ZBTB46: variants seen among roughly 807,000 people sequenced by gnomAD.
ZBTB46 encodes the protein zinc finger and BTB domain containing 46.
Under a neutral mutation model 44.1 loss-of-function variants are expected in ZBTB46, and 8 were observed. The ratio of observed to expected loss-of-function variants is 0.18; its 90% CI spans 0.11 to 0.33. The LOEUF (loss-of-function observed/expected upper bound fraction) is 0.33, where lower values mean the gene tolerates loss of function less well. Ranked by LOEUF, ZBTB46 falls within the 10% of genes least tolerant of loss-of-function variation. The pLI is 1.00. For synonymous variants in ZBTB46, 409 were observed against 382.3 expected (o/e 1.07, Z -0.81); for missense variants, 651 against 847.7 (o/e 0.77, Z 2.88).
intron 3 of ZBTB46, among the ~76,000 whole-genome samples, chr20:63,759,359 C>A (rs2092253765): frequency 6.6e-6 from 1 of 152,100 alleles, no homozygotes; most frequent in African/African-American, 2.4e-5. Context: ...ACAAATGATG[C>A]TTTTACTTAT....
chr20:63,765,104 GTTGT>G (rs2092309470), intron 3 of ZBTB46, among the ~76,000 whole-genome samples: 1 of 150,536 alleles, frequency 6.6e-6, no homozygotes, highest in Non-Finnish European at 1.5e-5. Context: ...TGTATGTGTG[GTTGT>G]GTGTGTGTGT....
At chr20:63,749,086 C>T (rs943305580) in intron 4 of ZBTB46, among the ~76,000 whole-genome samples, 6 of 152,256 alleles carry the variant, frequency 3.9e-5, no homozygotes, top group Non-Finnish European at 7.3e-5. Context: ...GTAACTTCTT[C>T]CACAAAGCCG....
intron 1 of ZBTB46, 97 bp from the exon 2 acceptor site, chr20:63,790,887 G>A (rs1426528804): frequency 1.0e-5 from 15 of 1,433,550 alleles, no homozygotes; most frequent in Non-Finnish European, 1.3e-5. Flanking sequence ...GGCACAGAGT[G>A]CGGCCAGTGG....
intron 1 of ZBTB46, among the ~76,000 whole-genome samples, chr20:63,796,894 G>A (rs985920412): frequency 4.0e-5 from 6 of 151,876 alleles, no homozygotes; most frequent in African/African-American, 1.2e-4. Context: ...AACAGGCCAG[G>A]CACGGTGGCT....
intron 1 of ZBTB46, among the ~76,000 whole-genome samples, chr20:63,809,165 G>C (rs946748204): frequency 4.6e-5 from 7 of 152,144 alleles, no homozygotes; most frequent in African/African-American, 1.7e-4. Flanking sequence ...CTTCGCCATG[G>C]GCTTGGCCGA....
chr20:63,757,138 G>A (rs1366435769), intron 3 of ZBTB46, among the ~76,000 whole-genome samples: 1 of 152,124 alleles, frequency 6.6e-6, no homozygotes, highest in Non-Finnish European at 1.5e-5. Flanking sequence ...TATTTTTGGG[G>A]AGGGGAACAG....
chr20:63,798,517 A>G (rs935406677), intron 1 of ZBTB46, among the ~76,000 whole-genome samples: 10 of 151,846 alleles, frequency 6.6e-5, no homozygotes, highest in Non-Finnish European at 1.2e-4. Flanking sequence ...TCTACTAAAA[A>G]TACAAAAATT....
chr20:63,808,970 C>A (rs1443974105), intron 1 of ZBTB46, among the ~76,000 whole-genome samples: 1 of 122,812 alleles, frequency 8.1e-6, no homozygotes, highest in African/African-American at 3.2e-5. Flanking sequence ...GAGCGAGACT[C>A]CGCTTCAAAA....
At chr20:63,770,361 GGCCC>G (rs71869591) in intron 3 of ZBTB46, among the ~76,000 whole-genome samples, 22,022 of 152,116 alleles carry the variant, frequency 0.14, 2,039 homozygotes, top group East Asian at 0.44. Context: ...ACAGAGAGGA[GGCCC>G]GCCTACTGCT....
chr20:63,798,821 G>T (rs1448883518), intron 1 of ZBTB46, among the ~76,000 whole-genome samples: 18 of 149,750 alleles, frequency 1.2e-4, no homozygotes, highest in African/African-American at 4.4e-4. Flanking sequence ...TCCAGCCTGG[G>T]TGACAGAGCG....
At chr20:63,779,811 C>A (rs1289185187) in intron 2 of ZBTB46, among the ~76,000 whole-genome samples, 2 of 152,002 alleles carry the variant, frequency 1.3e-5, no homozygotes, top group Admixed American at 1.3e-4. Context: ...CTGCCCACCT[C>A]AGACTCCCAA....
rs773855931 is a variant in ZBTB46 at position 63,746,897 on chromosome 20, C to A, written c.*33G>T. 15 of 1,489,552 alleles carry A rather than the reference C, an allele frequency of 1.0e-5. No individual in the cohort carries two copies. The highest frequency in any genetic ancestry group is 1.2e-5 in the Non-Finnish European group (14 of 1,120,770). The allele number at this position is 1,489,552 out of a possible 1,614,324, so 92.3% of individuals were successfully genotyped here. ...CGGACACACACACGGGTGGACGGAG[C>A]GAGGCAGCCACCGACCCTGCCGGCG... On this transcript the variant is annotated 3_prime_UTR_variant, in exon 5 of 5. Transcript: ENST00000245663.
intron 2 of ZBTB46, among the ~76,000 whole-genome samples, chr20:63,780,458 G>GA (rs2092459901): frequency 6.6e-6 from 1 of 152,022 alleles, no homozygotes. Context: ...TTGAATCATG[G>GA]AGCTATGCGT....
upstream of ZBTB46, among the ~76,000 whole-genome samples, chr20:63,832,181 C>T (rs2092855580): frequency 6.6e-6 from 1 of 152,218 alleles, no homozygotes; most frequent in Non-Finnish European, 1.5e-5. This position sits in a 1 kb window ranked among gnomAD's most constrained non-coding sequence, Gnocchi z 5.0. Context: ...TGGGACGCGT[C>T]TCCACCACTC....
intron 4 of ZBTB46, among the ~76,000 whole-genome samples, chr20:63,751,254 C>G (rs1045603289): frequency 6.6e-6 from 1 of 152,168 alleles, no homozygotes; most frequent in Non-Finnish European, 1.5e-5. Context: ...GGATGTGGGT[C>G]TGCTTCTGGC....
chr20:63,752,021 A>C lies in ZBTB46; in HGVS notation c.1398+665T>G, dbSNP rs527468780. On this transcript the variant is annotated intron_variant, in intron 4 of 4. Transcript: ENST00000245663. The surrounding 1 kb of genome is among the most constrained non-coding windows in gnomAD (Gnocchi z 5.6). Reference sequence around the variant, plus strand: ...GGGCGCCTCCACTGCCTCTCCTCACACAGCTGCCCGCCGCGAGCTCCCCCT... The same window carrying C: ...GGGCGCCTCCACTGCCTCTCCTCACCCAGCTGCCCGCCGCGAGCTCCCCCT... Among the ~76,000 whole-genome samples the C allele has an allele frequency of 2.5e-3, 379 of 151,132 alleles. No individual in the cohort carries two copies. Among genetic ancestry groups the C allele is most frequent in the African/African-American group, 8.6e-3 (354 of 41,202 alleles).
intron 3 of ZBTB46, among the ~76,000 whole-genome samples, chr20:63,756,210 C>T (rs1487131056): frequency 1.3e-5 from 2 of 152,230 alleles, no homozygotes; most frequent in Admixed American, 1.3e-4. Flanking sequence ...GAGAATCGGA[C>T]CTGTCCTAAA....
At chr20:63,753,786 C>T (rs1601395458) in intron 3 of ZBTB46, among the ~76,000 whole-genome samples, 2 of 152,374 alleles carry the variant, frequency 1.3e-5, no homozygotes, top group South Asian at 2.1e-4. Flanking sequence ...TGTCTGAACA[C>T]ATCATAATTA....
At chr20:63,813,447 C>CAAAAAA in intron 1 of ZBTB46, among the ~76,000 whole-genome samples, 1 of 141,552 alleles carries the variant, frequency 7.1e-6, no homozygotes, top group African/African-American at 2.6e-5. Flanking sequence ...GACTCCATCT[C>CAAAAAA]AAAAAAAAAA....
Sources: allele counts gnomAD v4.1 joint callset (sites outside exome capture counted in the v4.1 genomes callset), GRCh38; gene constraint gnomAD v4.1.1; non-coding constraint Gnocchi (gnomAD v3.1); transcripts MANE v1.5; gene names NCBI Gene and HGNC (gene_info 2026-07-23, HGNC 2026-07-21).